Variants in CDYL observed in about 807,000 individuals in gnomAD.
The protein encoded by CDYL is chromodomain Y like.
CDYL carries 8 observed loss-of-function variants against 47.3 expected under a neutral mutation model. The ratio of observed to expected loss-of-function variants is 0.17; its 90% CI spans 0.10 to 0.31. CDYL has a LOEUF of 0.31. Among genes scored for constraint, CDYL ranks in the 10% least tolerant of loss-of-function variants. The pLI, the probability that CDYL is intolerant of heterozygous loss-of-function variation, is 1.00. For synonymous variants in CDYL, 266 were observed against 265.0 expected, an observed-to-expected ratio of 1.00 and a Z score of -0.04; for missense variants, 471 against 701.4, an observed-to-expected ratio of 0.67 and a Z score of 3.71.
Position 4,873,311 on chromosome 6 carries a change from A to T in CDYL, c.25-18402A>T, listed in dbSNP as rs893854329. Among the ~76,000 whole-genome samples the T allele has an allele frequency of 9.2e-5, 14 of 152,326 alleles. 2 individuals carry two copies. Among genetic ancestry groups the T allele is most frequent in the African/African-American group, 3.4e-4 (14 of 41,562 alleles). ...AAATCAATTTTTATTTGGGTAGGCC[A>T]TGTAAGAAAAAAAGTGGATAGATAT... On this transcript the variant is annotated intron_variant, in intron 1 of 6. Coordinates refer to ENST00000397588, the MANE Select transcript of CDYL (RefSeq NM_004824.4).
chr6:4,935,655 G>A lies in CDYL; in HGVS notation c.832G>A (p.Val278Met), dbSNP rs1207056666. 1.9e-6 allele frequency: 3 copies of A among 1,614,236 alleles called. No homozygotes were observed. Among genetic ancestry groups the A allele is most frequent in the Non-Finnish European group, 2.5e-6 (3 of 1,180,034 alleles). Residue 278 changes from valine (V) to methionine (M), a missense_variant, in exon 3 of 7, where the codon GTG becomes ATG. Val to Met is a conservative substitution (Grantham distance 21). This residue lies in a region of CDYL where 103 missense variants were observed against 277.1 expected (regional missense o/e 0.37). Transcript: ENST00000397588. ...TTTTGACAAGCGATTGCGTTTCAGC[G>A]TGAGGCAAACAGAAAGTGCCTACAG... is the stretch of plus-strand genomic sequence containing the variant. Reference protein sequence around the residue: ...QPFDKRLRFSVRQTESAYRYR... With the variant: ...QPFDKRLRFSMRQTESAYRYR...
intron 3 of CDYL, among the ~76,000 whole-genome samples, chr6:4,749,303 GGATA>G (rs1356142121): frequency 1.3e-4 from 8 of 62,220 alleles, no homozygotes; most frequent in South Asian, 7.9e-4. Flanking sequence ...ATGGATGGAT[GGATA>G]GATGGATGGA....
intron 2 of CDYL, among the ~76,000 whole-genome samples, chr6:4,726,128 A>G (rs1337462272): frequency 6.6e-6 from 1 of 152,138 alleles, no homozygotes; most frequent in Non-Finnish European, 1.5e-5. Context: ...ATTCTAATAA[A>G]TGGGCCCGGC....
At chr6:4,745,193 C>T (rs539869263) in intron 3 of CDYL, among the ~76,000 whole-genome samples, 1 of 152,120 alleles carries the variant, frequency 6.6e-6, no homozygotes, top group Admixed American at 6.6e-5. Flanking sequence ...TTACTGGCTT[C>T]AAGTGATCCT....
intron 2 of CDYL, among the ~76,000 whole-genome samples, chr6:4,905,610 C>T (rs959177858): frequency 6.6e-6 from 1 of 152,132 alleles, no homozygotes; most frequent in Admixed American, 6.5e-5. Context: ...AGAATTACAC[C>T]AGTGAAGCCG....
intron 3 of CDYL, among the ~76,000 whole-genome samples, chr6:4,760,637 A>G (rs1052364374): frequency 5.3e-5 from 8 of 152,212 alleles, no homozygotes; most frequent in Non-Finnish European, 8.8e-5. Context: ...TCTATGTGAA[A>G]TAGAGCTCTT....
chr6:4,894,068 A>C (rs527861034), intron 2 of CDYL, among the ~76,000 whole-genome samples: 4 of 152,314 alleles, frequency 2.6e-5, no homozygotes, highest in African/African-American at 9.6e-5. Flanking sequence ...GTTTGACCTC[A>C]TGGATACAGT....
At chr6:4,862,499 A>G (rs1239417044) in intron 1 of CDYL, among the ~76,000 whole-genome samples, 1 of 152,182 alleles carries the variant, frequency 6.6e-6, no homozygotes, top group Non-Finnish European at 1.5e-5. Flanking sequence ...ATATTGTGAT[A>G]TTTATTAAAA....
chr6:4,819,465 T>A (rs1759772626), intron 1 of CDYL, among the ~76,000 whole-genome samples: 1 of 152,170 alleles, frequency 6.6e-6, no homozygotes, highest in Non-Finnish European at 1.5e-5. Context: ...GCTTCTGCCC[T>A]TTTTCTTTCT....
chr6:4,942,532 C>G (rs180932066), intron 4 of CDYL, among the ~76,000 whole-genome samples: 1 of 152,350 alleles, frequency 6.6e-6, no homozygotes, highest in African/African-American at 2.4e-5. Flanking sequence ...TGTCCTTACT[C>G]TGCACTTCTG....
At chr6:4,722,346 G>A (rs1001498097) in intron 2 of CDYL, among the ~76,000 whole-genome samples, 16 of 151,958 alleles carry the variant, frequency 1.1e-4, no homozygotes, top group African/African-American at 3.9e-4. Flanking sequence ...ATGGCTTAAG[G>A]TAAAGAGTTC....
At chr6:4,828,763 G>A (rs59530044) in intron 1 of CDYL, among the ~76,000 whole-genome samples, 5,142 of 152,042 alleles carry the variant, frequency 0.034, 293 homozygotes, top group African/African-American at 0.12. Context: ...GCATGATGGT[G>A]TCCTGCTAGC....
intron 2 of CDYL, among the ~76,000 whole-genome samples, chr6:4,932,984 C>G (rs1358414488): frequency 1.3e-5 from 2 of 152,206 alleles, no homozygotes; most frequent in Non-Finnish European, 2.9e-5. Flanking sequence ...TCATTTCTCC[C>G]TGCGTCGCCT....
At chr6:4,731,747 C>T (rs1341794631) in intron 2 of CDYL, among the ~76,000 whole-genome samples, 3 of 151,552 alleles carry the variant, frequency 2.0e-5, no homozygotes, top group South Asian at 2.1e-4. Context: ...TGCAGTGAGC[C>T]GAGATGCAGG....
chr6:4,804,896 C>T (rs777752749), intron 1 of CDYL, among the ~76,000 whole-genome samples: 1 of 152,180 alleles, frequency 6.6e-6, no homozygotes, highest in Non-Finnish European at 1.5e-5. Context: ...GCCCATGTAG[C>T]GCATGCATCT....
intron 1 of CDYL, among the ~76,000 whole-genome samples, chr6:4,825,381 A>G (rs541995481): frequency 6.6e-6 from 1 of 152,098 alleles, no homozygotes; most frequent in East Asian, 1.9e-4. Context: ...TGATAGTTTT[A>G]CTTCTTTTCA....
At chr6:4,933,091 T>C (rs1013974057) in intron 2 of CDYL, among the ~76,000 whole-genome samples, 12 of 152,188 alleles carry the variant, frequency 7.9e-5, no homozygotes, top group Admixed American at 4.6e-4. Flanking sequence ...CCAGTTATTA[T>C]TGCCTTCCTG....
intron 1 of CDYL, among the ~76,000 whole-genome samples, chr6:4,824,141 T>A (rs1000395738): frequency 6.6e-6 from 1 of 152,228 alleles, no homozygotes; most frequent in African/African-American, 2.4e-5. Context: ...TTAGTGGACA[T>A]ATGCGTTGTT....
chr6:4,914,205 CT>C (rs11373981), intron 2 of CDYL, among the ~76,000 whole-genome samples: 110 of 137,378 alleles, frequency 8.0e-4, no homozygotes, highest in African/African-American at 2.4e-3. Context: ...TGAAAGAGTT[CT>C]TTTTTTTTTT....
Sources: allele counts gnomAD v4.1 joint callset (sites outside exome capture counted in the v4.1 genomes callset), GRCh38; gene constraint gnomAD v4.1.1; regional missense constraint gnomAD v4.1.1; transcripts MANE v1.5; gene names NCBI Gene and HGNC (gene_info 2026-07-23, HGNC 2026-07-21).